The following RGS12 variants were observed in gnomAD, a reference collection of about 807,000 sequenced individuals.
RGS12 encodes regulator of G-protein signaling 12.
In RGS12, 66 loss-of-function variants were observed where a neutral mutation model predicts 120.1. The ratio of observed to expected loss-of-function variants is 0.55; its 90% CI spans 0.45 to 0.67. The LOEUF is 0.67. RGS12 is among the 30% of genes least tolerant of loss of function. The pLI, the probability that RGS12 is intolerant of heterozygous loss-of-function variation, is 0.00. For synonymous variants in RGS12, 827 were observed against 804.7 expected, an observed-to-expected ratio of 1.03 and a Z score of -0.47; for missense variants, 1,859 against 1,957.7, an observed-to-expected ratio of 0.95 and a Z score of 0.95.
Position 3,439,818 on chromosome 4 carries a change from C to A in RGS12, c.*134C>A. On this transcript the variant is annotated 3_prime_UTR_variant, in exon 18 of 18. Coordinates refer to ENST00000336727, the MANE Select transcript of RGS12 (RefSeq NM_001394154.1). ...CAGCCAGGAGGGCAGGGGGTGACCT[C>A]GCTGGAGGCACTGGCCCCGGACATT... 1 of 821,362 alleles carries A rather than the reference C, an allele frequency of 1.2e-6. No individual in the cohort carries two copies. Among genetic ancestry groups the A allele is most frequent in the South Asian group, 2.0e-5 (1 of 50,330 alleles). 50.9% of individuals were successfully genotyped at this position (821,362 alleles called of 1,614,324 possible).
intron 3 of RGS12, among the ~76,000 whole-genome samples, chr4:3,343,668 T>C (rs771251813): frequency 6.6e-6 from 1 of 152,090 alleles, no homozygotes; most frequent in Non-Finnish European, 1.5e-5. Flanking sequence ...CTCTGTGGGT[T>C]TGGACAAATG....
chr4:3,345,696 G>A (rs536332009), intron 3 of RGS12, among the ~76,000 whole-genome samples: 3 of 152,354 alleles, frequency 2.0e-5, no homozygotes, highest in South Asian at 2.1e-4. Context: ...GGGCCAGCAC[G>A]ATTCTGTTAG....
intron 1 of RGS12, among the ~76,000 whole-genome samples, chr4:3,304,065 A>G (rs187414710): frequency 2.6e-5 from 4 of 152,364 alleles, no homozygotes; most frequent in Non-Finnish European, 5.9e-5. Flanking sequence ...GAAGAGGAAG[A>G]AAGCGCATTT....
chr4:3,396,828 C>T (rs16844274), intron 4 of RGS12, among the ~76,000 whole-genome samples: 3,742 of 152,130 alleles, frequency 0.025, 81 homozygotes, highest in African/African-American at 0.053. Flanking sequence ...CTGGTTGAGA[C>T]ATAGCATTTC....
chr4:3,294,774 TA>T, intron 1 of RGS12, among the ~76,000 whole-genome samples: 1 of 152,338 alleles, frequency 6.6e-6, no homozygotes, highest in Non-Finnish European at 1.5e-5. Context: ...CTAGCCCTGG[TA>T]ACTGCAATGA....
At chr4:3,379,021 G>A (rs868610364) in intron 3 of RGS12, among the ~76,000 whole-genome samples, 1,733 of 151,406 alleles carry the variant, frequency 0.011, 35 homozygotes, top group African/African-American at 0.04. Context: ...GTGTGTGTGT[G>A]TGTGTGTGTG....
At chr4:3,414,454 C>A in intron 5 of RGS12, 1 of 614,126 alleles carries the variant, frequency 1.6e-6, no homozygotes, top group Non-Finnish European at 2.8e-6. Context: ...GGGAGCGTCC[C>A]TGGCCCTCCC....
chr4:3,300,029 T>C (rs190933525), intron 1 of RGS12, among the ~76,000 whole-genome samples: 1 of 152,352 alleles, frequency 6.6e-6, no homozygotes, highest in East Asian at 1.9e-4. Flanking sequence ...GCAGTTTGTC[T>C]ATAAAATAAG....
intron 4 of RGS12, among the ~76,000 whole-genome samples, chr4:3,399,307 C>G (rs761951149): frequency 6.6e-6 from 1 of 151,926 alleles, no homozygotes; most frequent in Non-Finnish European, 1.5e-5. Context: ...CAGTATACAA[C>G]TAAAAGTATG....
At chr4:3,286,596 G>A in the RGS12 span, among the ~76,000 whole-genome samples, 1 of 152,192 alleles carries the variant, frequency 6.6e-6, no homozygotes, top group Non-Finnish European at 1.5e-5. Flanking sequence ...TGGGGGCTGC[G>A]GTGTGGGGTT....
rs912656616 is a variant in RGS12, at chr4:3,324,895, A to G, written c.1881+6844A>G. On this transcript the variant is annotated intron_variant, in intron 2 of 17. Coordinates refer to ENST00000336727, the MANE Select transcript of RGS12 (RefSeq NM_001394154.1). The stretch of plus-strand genomic sequence containing the variant: ...AATTTCTTAAATTGAGCAATTTTGT[A>G]TCTTAATAGACCATAAATATTTCTC... 2.0e-5 allele frequency: 3 copies of G among 152,240 alleles called. No homozygotes were observed. In the East Asian group the frequency reaches 5.8e-4, roughly 29 times the overall value. The allele number at this position is 152,240 out of a possible 1,614,324, so 9.4% of individuals were successfully genotyped here.
At chr4:3,344,361 G>A (rs1713587286) in intron 3 of RGS12, among the ~76,000 whole-genome samples, 1 of 152,212 alleles carries the variant, frequency 6.6e-6, no homozygotes, top group South Asian at 2.1e-4. Flanking sequence ...AGACTCAAAA[G>A]GGGTGTGTGC....
intron 1 of RGS12, among the ~76,000 whole-genome samples, chr4:3,297,817 T>C (rs1431727561): frequency 1.3e-5 from 2 of 152,186 alleles, no homozygotes; most frequent in Non-Finnish European, 2.9e-5. Context: ...GGGCTCCCTG[T>C]GCACTGGGTC....
chr4:3,429,756 C>A (rs193216753), intron 16 of RGS12, among the ~76,000 whole-genome samples: 1 of 152,342 alleles, frequency 6.6e-6, no homozygotes, highest in Admixed American at 6.5e-5. Flanking sequence ...CAGGGGCACC[C>A]GTCCTGGCCC....
At chr4:3,353,516 T>C (rs906156614) in intron 3 of RGS12, among the ~76,000 whole-genome samples, 7 of 152,206 alleles carry the variant, frequency 4.6e-5, no homozygotes, top group African/African-American at 1.7e-4. Context: ...CACTTTCACC[T>C]TTTTTGAAGT....
At chr4:3,321,440 C>T (rs1481994396) in intron 2 of RGS12, among the ~76,000 whole-genome samples, 1 of 152,204 alleles carries the variant, frequency 6.6e-6, no homozygotes, top group Non-Finnish European at 1.5e-5. Flanking sequence ...AACATTGAGC[C>T]CCTGGGCAGG....
At chr4:3,347,003 T>G (rs1713857293) in intron 3 of RGS12, among the ~76,000 whole-genome samples, 1 of 152,124 alleles carries the variant, frequency 6.6e-6, no homozygotes, top group African/African-American at 2.4e-5. Flanking sequence ...TTTTTTTTTT[T>G]GTAAATAACC....
chr4:3,300,260 C>T (rs1723610977), intron 1 of RGS12, among the ~76,000 whole-genome samples: 1 of 152,154 alleles, frequency 6.6e-6, no homozygotes, highest in African/African-American at 2.4e-5. Context: ...AGCAGTGCCG[C>T]GGGCTCTGCT....
Position 3,314,041 on chromosome 4 carries a change from ATTATT to A in RGS12, c.-101-2021_-101-2017del, listed in dbSNP as rs1410008780. On this transcript the variant is annotated intron_variant, in intron 1 of 17. Transcript: ENST00000336727. Reference sequence around the variant, plus strand: ...ATTAAAAAATTATAAAATAATTTTAATTATTTTATTTTTTAAATTCATTTTTTAAT... The same window carrying A: ...ATTAAAAAATTATAAAATAATTTTAATTATTTTTTAAATTCATTTTTTAAT... 20 of 151,512 alleles carry A rather than the reference ATTATT, an allele frequency of 1.3e-4. No individual in the cohort carries two copies. In the South Asian group the frequency reaches 3.3e-3, roughly 25 times the overall value. 9.4% of individuals were successfully genotyped at this position (151,512 alleles called of 1,614,324 possible). A position where few individuals can be genotyped will look rare whatever the true frequency, so the allele number is the denominator to read the frequency against.
Sources: gnomAD v4.1 joint callset for allele counts (sites outside exome capture counted in the v4.1 genomes callset) on GRCh38, gnomAD v4.1.1 for gene constraint, MANE v1.5 for transcripts, NCBI Gene and HGNC (gene_info 2026-07-23, HGNC 2026-07-21) for gene names.